Variants in HPF1 observed in about 807,000 individuals in gnomAD.
HPF1 encodes the protein histone PARylation factor 1.
In HPF1, 35 loss-of-function variants were observed where a neutral mutation model predicts 38.8. The ratio of observed to expected loss-of-function variants is 0.90; its 90% CI spans 0.69 to 1.19. HPF1 has a LOEUF of 1.19. HPF1 is among the 50% of genes most tolerant of loss of function. HPF1 has a pLI of 0.00. For missense variants in HPF1, 367 were observed against 405.8 expected, an observed-to-expected ratio of 0.90 and a Z score of 0.82; for synonymous variants, 115 against 139.2, an observed-to-expected ratio of 0.83 and a Z score of 1.22.
chr4:169,734,237 T>C (rs1733866259), intron 6 of HPF1, among the ~76,000 whole-genome samples: 1 of 152,230 alleles, frequency 6.6e-6, no homozygotes, highest in Non-Finnish European at 1.5e-5. Context: ...AGAAAACAGA[T>C]GAAGCTTTCT....
rs575062945 is a variant in HPF1, at chr4:169,750,390, C to T, written c.398+146G>A. 30 of 541,748 alleles carry T rather than the reference C, an allele frequency of 5.5e-5. No homozygotes were observed. In the East Asian group the frequency reaches 5.7e-4, roughly 10 times the overall value. The allele number at this position is 541,748 out of a possible 1,614,324, so 33.6% of individuals were successfully genotyped here. On this transcript the variant is annotated intron_variant, in intron 3 of 7. Coordinates refer to ENST00000393381, the MANE Select transcript of HPF1 (RefSeq NM_017867.3). ...TTACCCATCCTAGGGAAGGTTAAAA[C>T]GGTAACAGCAAGAACAACAGATGGC...
rs777498870 is a variant in HPF1, at chr4:169,757,908, G to C, written c.-31C>G. The C allele has an allele frequency of 5.2e-6, 8 of 1,538,280 alleles. No homozygotes were observed. The highest frequency in any genetic ancestry group is 6.1e-6 in the Non-Finnish European group (7 of 1,146,942). On this transcript the variant is annotated 5_prime_UTR_variant, in exon 1 of 8. In the 5' UTR this introduces an upstream ATG that the reference lacks. Transcript: ENST00000393381. Reference sequence around the variant, plus strand: ...AGCTGCAGCGCCAGCAGAATTCCCCGATCCGCGGCCGCTTCCGAGCGCCGC... The same window carrying C: ...AGCTGCAGCGCCAGCAGAATTCCCCCATCCGCGGCCGCTTCCGAGCGCCGC...
intron 2 of HPF1, among the ~76,000 whole-genome samples, chr4:169,752,742 A>G (rs1422040762): frequency 1.3e-5 from 2 of 152,174 alleles, no homozygotes; most frequent in East Asian, 3.9e-4. Context: ...CATTTAAGCC[A>G]TTTCCCATTT....
In HPF1 at chr4:169,750,716, G is replaced by T. The variant is rs780310618; in HGVS notation, c.218C>A (p.Ser73Tyr). The change falls in exon 3 of 8, where the codon TCT becomes TAT. Residue 73 changes from serine (S) to tyrosine (Y), a missense_variant. Physicochemically the swap from Ser to Tyr is moderately radical, Grantham distance 144. Coordinates refer to ENST00000393381, the MANE Select transcript of HPF1 (RefSeq NM_017867.3). ...AACTAATTGAAGTCCAAGGCTTGCAGAAAGTGAATCTATAAAGAAAATAAA... is the reference window on the plus strand; with the variant it reads ...AACTAATTGAAGTCCAAGGCTTGCATAAAGTGAATCTATAAAGAAAATAAA... ...LDPEKPSDSLSASLGLQLVGP... is the reference protein window; with the variant it reads ...LDPEKPSDSLYASLGLQLVGP... 1 of 1,601,324 alleles carries T rather than the reference G, an allele frequency of 6.2e-7. No individual in the cohort carries two copies. Among genetic ancestry groups the T allele is most frequent in the East Asian group, 2.2e-5 (1 of 44,616 alleles).
At chr4:169,750,754 T>C in intron 2 of HPF1, 29 bp from the exon 3 acceptor site, 1 of 1,486,744 alleles carries the variant, frequency 6.7e-7, no homozygotes, top group Non-Finnish European at 9.2e-7. Context: ...TAGACAATAC[T>C]TTCTGGAGAC....
chr4:169,737,304 A>AAAAC (rs1733911135), intron 6 of HPF1, among the ~76,000 whole-genome samples: 2 of 143,636 alleles, frequency 1.4e-5, no homozygotes, highest in Non-Finnish European at 3.0e-5. Flanking sequence ...AAAAAAAAAA[A>AAAAC]AAACAAACAA....
In HPF1 at chr4:169,753,915, C is replaced by G. The variant is rs578192263; in HGVS notation, c.49-80G>C. The G allele has an allele frequency of 2.7e-6, 3 of 1,097,138 alleles. No individual in the cohort carries two copies. In the African/African-American group the frequency reaches 4.7e-5, roughly 17 times the overall value. The allele number at this position is 1,097,138 out of a possible 1,614,324, so 68.0% of individuals were successfully genotyped here. A position where few individuals can be genotyped will look rare whatever the true frequency, so the allele number is the denominator to read the frequency against. On this transcript the variant is annotated intron_variant, in intron 1 of 7. Coordinates refer to ENST00000393381, the MANE Select transcript of HPF1 (RefSeq NM_017867.3). Reference sequence around the variant, plus strand: ...TAACAGTATCTATCACTCTTGTTCACCCAACTCTATGAAATACATGTGTTT... The same window carrying G: ...TAACAGTATCTATCACTCTTGTTCAGCCAACTCTATGAAATACATGTGTTT...
At chr4:169,730,993 C>T (rs1465342167) in intron 7 of HPF1, among the ~76,000 whole-genome samples, 1 of 152,192 alleles carries the variant, frequency 6.6e-6, no homozygotes, top group African/African-American at 2.4e-5. Context: ...TGTGGGTATG[C>T]ACTCGTGCAC....
chr4:169,756,343 C>A (rs925408246), intron 1 of HPF1, among the ~76,000 whole-genome samples: 1 of 152,226 alleles, frequency 6.6e-6, no homozygotes, highest in African/African-American at 2.4e-5. Context: ...AACCACTTCA[C>A]TATGCTGCTT....
rs200292765 is a variant in HPF1, at chr4:169,742,106, A to C, written c.499T>G (p.Leu167Val). The change falls in exon 5 of 8, where the codon TTA becomes GTA. Residue 167 changes from leucine (L) to valine (V), a missense_variant and splice_region_variant. Physicochemically the swap from Leu to Val is conservative, Grantham distance 32. Coordinates refer to ENST00000393381, the MANE Select transcript of HPF1 (RefSeq NM_017867.3). ...NGDNVFAAVK[L>V]FLTKKLREIT... ...TCTCTAAGTTTTTTCGTCAAAAATA[A>C]TCTGAAAAAGAAGTAAAAGTCCGCA... 7 of 1,610,040 alleles carry C rather than the reference A, an allele frequency of 4.3e-6. No individual in the cohort carries two copies. The East Asian group carries it at 8.9e-5, about 21-fold the overall frequency.
At chr4:169,752,024 C>T (rs1734125853) in intron 2 of HPF1, among the ~76,000 whole-genome samples, 1 of 152,036 alleles carries the variant, frequency 6.6e-6, no homozygotes. Context: ...TGTTATTTGA[C>T]ATGATTTTTT....
intron 4 of HPF1, among the ~76,000 whole-genome samples, chr4:169,742,544 G>A (rs1733983436): frequency 6.6e-6 from 1 of 152,186 alleles, no homozygotes. Context: ...TGTAATCCCA[G>A]CACTTTGGGA....
chr4:169,742,007 C>G lies in HPF1; in HGVS notation c.598G>C (p.Gly200Arg). ...ACGGTTCTCTGTTCAAGCGAGTACC[C>G]CAATTCTCTGGCTGCTTCTGTGAGT... The part of the protein sequence containing the change: ...EKLTEAAREL[G>R]YSLEQRTVKM... The change falls in exon 5 of 8, where the codon GGG becomes CGG. Residue 200 changes from glycine to arginine, a missense_variant. Coordinates refer to ENST00000393381, the MANE Select transcript of HPF1 (RefSeq NM_017867.3). The G allele has an allele frequency of 6.2e-7, 1 of 1,613,278 alleles. No homozygotes were observed. The highest frequency in any genetic ancestry group is 8.5e-7 in the Non-Finnish European group (1 of 1,179,272).
chr4:169,741,610 T>G (rs935617991), intron 5 of HPF1, among the ~76,000 whole-genome samples: 13 of 152,208 alleles, frequency 8.5e-5, no homozygotes, highest in Non-Finnish European at 1.2e-4. Context: ...GGAGAAAATG[T>G]ATGTATGTAA....
intron 2 of HPF1, among the ~76,000 whole-genome samples, chr4:169,750,943 C>A (rs1261523442): frequency 6.6e-6 from 1 of 152,164 alleles, no homozygotes; most frequent in Non-Finnish European, 1.5e-5. Context: ...CTTAAATTTA[C>A]CACTGAATTA....
At chr4:169,748,321 T>A (rs988420941) in intron 4 of HPF1, among the ~76,000 whole-genome samples, 3 of 151,948 alleles carry the variant, frequency 2.0e-5, no homozygotes, top group African/African-American at 7.2e-5. Flanking sequence ...CCTGCAAAAG[T>A]CATGGAAATT....
At chr4:169,747,032 G>A (rs1452024155) in intron 4 of HPF1, among the ~76,000 whole-genome samples, 1 of 144,848 alleles carries the variant, frequency 6.9e-6, no homozygotes, top group Non-Finnish European at 1.5e-5. Context: ...CAAATGAAAA[G>A]TTAGGCTTGT....
rs756602299 is a variant in HPF1, at chr4:169,753,660, T to G, written c.208+16A>C. Reference sequence around the variant, plus strand: ...ACTCTTTCCATTAATACAAGAATGATTCTGGAGCAACTCACCAGATGGCTT... The same window carrying G: ...ACTCTTTCCATTAATACAAGAATGAGTCTGGAGCAACTCACCAGATGGCTT... On this transcript the variant is annotated intron_variant, in intron 2 of 7. Coordinates refer to ENST00000393381, the MANE Select transcript of HPF1 (RefSeq NM_017867.3). The G allele has an allele frequency of 2.5e-6, 4 of 1,602,842 alleles. No individual in the cohort carries two copies. The highest frequency in any genetic ancestry group is 3.4e-6 in the Non-Finnish European group (4 of 1,172,620).
chr4:169,753,432 C>A (rs1357481746), intron 2 of HPF1, among the ~76,000 whole-genome samples: 1 of 152,178 alleles, frequency 6.6e-6, no homozygotes, highest in African/African-American at 2.4e-5. Flanking sequence ...AAGGAGGGAT[C>A]CTCCCATCTC....
Sources: gnomAD v4.1 joint callset for allele counts (sites outside exome capture counted in the v4.1 genomes callset) on GRCh38, gnomAD v4.1.1 for gene constraint, MANE v1.5 for transcripts, NCBI Gene and HGNC (gene_info 2026-07-23, HGNC 2026-07-21) for gene names.